SLC9A9: variants seen among roughly 807,000 people sequenced by gnomAD.
SLC9A9 encodes the protein sodium/hydrogen exchanger 9.
SLC9A9 carries 62 observed loss-of-function variants against 77.8 expected under a neutral mutation model. That is an observed-to-expected ratio of 0.80 (90% CI 0.65 to 0.98). The LOEUF (loss-of-function observed/expected upper bound fraction) is 0.98. Among genes scored for constraint, SLC9A9 ranks in the 50% least tolerant of loss-of-function variants. SLC9A9 has a pLI of 0.00. For synonymous variants in SLC9A9, 320 were observed against 283.5 expected, an observed-to-expected ratio of 1.13 and a Z score of -1.29; for missense variants, 775 against 774.9, an observed-to-expected ratio of 1.00 and a Z score of 0.00.
chr3:143,795,575 A>G (rs1272583553), intron 3 of SLC9A9, among the ~76,000 whole-genome samples: 2 of 152,162 alleles, frequency 1.3e-5, no homozygotes, highest in African/African-American at 2.4e-5. Flanking sequence ...TAAACTTTAA[A>G]AATCTACAAC....
At chr3:143,513,486 A>AATCATCC (rs1261870862) in intron 9 of SLC9A9, among the ~76,000 whole-genome samples, 1 of 152,156 alleles carries the variant, frequency 6.6e-6, no homozygotes, top group East Asian at 1.9e-4. Flanking sequence ...TATCCCTCAA[A>AATCATCC]ATCATCCATG....
intron 11 of SLC9A9, among the ~76,000 whole-genome samples, chr3:143,475,689 G>A (rs897941395): frequency 1.3e-5 from 2 of 151,954 alleles, no homozygotes; most frequent in East Asian, 3.9e-4. Flanking sequence ...GTACTCGGGA[G>A]GCTGAGGCAG....
At chr3:143,727,594 G>T (rs17650950) in intron 4 of SLC9A9, among the ~76,000 whole-genome samples, 12,893 of 151,974 alleles carry the variant, frequency 0.085, 609 homozygotes, top group African/African-American at 0.11. Context: ...ATTCACTACC[G>T]AGGGAAACGG....
chr3:143,302,795 C>A (rs768504140), intron 14 of SLC9A9, among the ~76,000 whole-genome samples: 20 of 152,304 alleles, frequency 1.3e-4, no homozygotes, highest in Non-Finnish European at 2.8e-4. Context: ...GAGGATAAAG[C>A]CAGATGGGTA....
chr3:143,720,571 T>C (rs187401820), intron 4 of SLC9A9, among the ~76,000 whole-genome samples: 1 of 152,224 alleles, frequency 6.6e-6, no homozygotes, highest in Admixed American at 6.5e-5. Context: ...CAAGCTTTCT[T>C]CCCAGTATAA....
At chr3:143,691,379 T>C (rs140154713) in intron 5 of SLC9A9, among the ~76,000 whole-genome samples, 1 of 152,212 alleles carries the variant, frequency 6.6e-6, no homozygotes, top group African/African-American at 2.4e-5. Flanking sequence ...TGAGAAAGAT[T>C]CTTATATGTT....
chr3:143,612,412 A>G (rs2108700732), intron 6 of SLC9A9, among the ~76,000 whole-genome samples: 1 of 152,286 alleles, frequency 6.6e-6, no homozygotes, highest in Non-Finnish European at 1.5e-5. Context: ...TTGTGGGATA[A>G]CCCTAAGTGA....
Position 143,697,143 on chromosome 3 carries a change from A to G in SLC9A9, c.534-3836T>C, listed in dbSNP as rs555787176. Among the ~76,000 whole-genome samples, 4 of 151,840 alleles carry G rather than the reference A, an allele frequency of 2.6e-5. No homozygotes were observed. In the South Asian group the frequency reaches 6.2e-4, roughly 24 times the overall value. ...ATTAAAACTGTATATAATAATATAT[A>G]TTAGAAAAATAAATTGATAACACAA... On this transcript the variant is annotated intron_variant, in intron 4 of 15. Coordinates refer to ENST00000316549, the MANE Select transcript of SLC9A9 (RefSeq NM_173653.4).
intron 9 of SLC9A9, among the ~76,000 whole-genome samples, chr3:143,532,338 C>T (rs188873617): frequency 6.6e-6 from 1 of 152,206 alleles, no homozygotes; most frequent in Admixed American, 6.5e-5. Context: ...CTCCAGCACA[C>T]TACTGGATAT....
At chr3:143,495,884 G>T (rs541100289) in intron 9 of SLC9A9, among the ~76,000 whole-genome samples, 1 of 151,998 alleles carries the variant, frequency 6.6e-6, no homozygotes, top group South Asian at 2.1e-4. Flanking sequence ...TTTTTTTTAA[G>T]CTTAAACTAA....
At chr3:143,302,692 C>A (rs1320448956) in intron 14 of SLC9A9, among the ~76,000 whole-genome samples, 2 of 152,154 alleles carry the variant, frequency 1.3e-5, no homozygotes, top group African/African-American at 2.4e-5. Context: ...GATCCTCCAA[C>A]CAGCCAGCAG....
At chr3:143,396,305 T>A (rs1210446790) in intron 12 of SLC9A9, among the ~76,000 whole-genome samples, 1 of 151,986 alleles carries the variant, frequency 6.6e-6, no homozygotes, top group African/African-American at 2.4e-5. Flanking sequence ...TGTAGGGACA[T>A]GGATGAAGCT....
intron 14 of SLC9A9, among the ~76,000 whole-genome samples, chr3:143,299,232 A>AT (rs1295002361): frequency 6.6e-6 from 1 of 152,186 alleles, no homozygotes; most frequent in Non-Finnish European, 1.5e-5. Flanking sequence ...GTAAAAAAAA[A>AT]GGCCCTAAGA....
At chr3:143,748,057 A>G (rs1489004669) in intron 4 of SLC9A9, among the ~76,000 whole-genome samples, 2 of 152,242 alleles carry the variant, frequency 1.3e-5, no homozygotes, top group African/African-American at 4.8e-5. Context: ...AGATCAGGGC[A>G]TCTCAATCCC....
intron 9 of SLC9A9, among the ~76,000 whole-genome samples, chr3:143,549,205 A>G (rs970311364): frequency 3.3e-5 from 5 of 152,182 alleles, no homozygotes; most frequent in African/African-American, 1.2e-4. Context: ...TTCGTTTCCC[A>G]TGAGAATTTG....
At chr3:143,820,219 A>G (rs62268900) in intron 2 of SLC9A9, among the ~76,000 whole-genome samples, 29,904 of 152,168 alleles carry the variant, frequency 0.2, 3,514 homozygotes, top group South Asian at 0.35. Context: ...ATATGGCTCT[A>G]GAGATTGGCC....
At chr3:143,370,132 C>T (rs1405127961) in intron 13 of SLC9A9, among the ~76,000 whole-genome samples, 1 of 152,054 alleles carries the variant, frequency 6.6e-6, no homozygotes, top group Non-Finnish European at 1.5e-5. Context: ...TTGTTTTAAG[C>T]CACTATATTT....
intron 12 of SLC9A9, among the ~76,000 whole-genome samples, chr3:143,439,208 A>G (rs771090510): frequency 6.6e-6 from 1 of 152,180 alleles, no homozygotes; most frequent in Non-Finnish European, 1.5e-5. Context: ...CTCAGTGACC[A>G]TGTGCAGTAG....
intron 14 of SLC9A9, among the ~76,000 whole-genome samples, chr3:143,289,261 C>T (rs1486773537): frequency 1.3e-5 from 2 of 152,340 alleles, no homozygotes; most frequent in South Asian, 2.1e-4. Flanking sequence ...TCCCAAACAA[C>T]AGCAGCCAGT....
Sources: allele counts gnomAD v4.1 joint callset (sites outside exome capture counted in the v4.1 genomes callset), GRCh38; gene constraint gnomAD v4.1.1; transcripts MANE v1.5; gene names NCBI Gene and HGNC (gene_info 2026-07-23, HGNC 2026-07-21).